KMT2C: variants seen among roughly 807,000 people sequenced by gnomAD.
KMT2C encodes histone-lysine N-methyltransferase 2C.
A neutral mutation model predicts 507.9 loss-of-function variants in KMT2C; 88 were observed. That is an observed-to-expected ratio of 0.17 (90% CI 0.15 to 0.21). The LOEUF is 0.21. Ranked by LOEUF, KMT2C falls within the 10% of genes least tolerant of loss-of-function variation. KMT2C has a pLI of 1.00. For synonymous variants in KMT2C, 2,049 were observed against 2,080.8 expected, an observed-to-expected ratio of 0.98 and a Z score of 0.42; for missense variants, 4,954 against 5,957.8, an observed-to-expected ratio of 0.83 and a Z score of 5.55.
At chr7:152,435,543 AGGCCGCGGGGC>A in intron 1 of KMT2C, 72 bp downstream of exon 1, 2 of 801,546 alleles carry the variant, frequency 2.5e-6, no homozygotes, top group Non-Finnish European at 3.1e-6. Flanking sequence ...CGGGGCGCGG[AGGCCGCGGGGC>A]GGGCGCCCGG....
At chr7:152,414,180 A>G (rs2097710461) in intron 1 of KMT2C, among the ~76,000 whole-genome samples, 3 of 151,562 alleles carry the variant, frequency 2.0e-5, no homozygotes, top group Non-Finnish European at 4.4e-5. Flanking sequence ...ACTGCACTCC[A>G]GCCTGGGCGA....
intron 18 of KMT2C, among the ~76,000 whole-genome samples, chr7:152,225,741 T>C (rs1490452916): frequency 6.6e-6 from 1 of 152,092 alleles, no homozygotes; most frequent in East Asian, 1.9e-4. Context: ...CTGGCACATA[T>C]CAGAGCAGGA....
rs965606574 is a variant in KMT2C, at chr7:152,207,141, G to A, written c.3841+159C>T. Reference sequence around the variant, plus strand: ...TAAAGAACTCTAGAGCTAAAAAGTCGTATTCAAATAGTTTAGTTCTTTAAT... The same window carrying A: ...TAAAGAACTCTAGAGCTAAAAAGTCATATTCAAATAGTTTAGTTCTTTAAT... On this transcript the variant is annotated intron_variant, in intron 24 of 58. Coordinates refer to ENST00000262189, the MANE Select transcript of KMT2C (RefSeq NM_170606.3). 7.9e-5 allele frequency among the ~76,000 whole-genome samples: 12 copies of A among 152,052 alleles called. No individual in the cohort carries two copies. In the East Asian group the frequency reaches 9.6e-4, roughly 12 times the overall value.
chr7:152,246,141 A>G (rs2095469299), intron 14 of KMT2C, among the ~76,000 whole-genome samples: 2 of 152,198 alleles, frequency 1.3e-5, no homozygotes, highest in Non-Finnish European at 2.9e-5. Flanking sequence ...TCACCAATGG[A>G]AGATCTATCT....
intron 6 of KMT2C, among the ~76,000 whole-genome samples, chr7:152,290,258 GTATATATATATATATA>G (rs746466676): frequency 2.2e-3 from 59 of 26,256 alleles, no homozygotes; most frequent in African/African-American, 6.3e-3. Flanking sequence ...GTGTGTATGT[GTATATATATATATATA>G]TATATATATA....
intron 2 of KMT2C, among the ~76,000 whole-genome samples, chr7:152,332,519 T>C (rs1203212281): frequency 6.6e-6 from 1 of 152,196 alleles, no homozygotes; most frequent in Non-Finnish European, 1.5e-5. Flanking sequence ...CCTTCAACTA[T>C]ACCTTTCTAA....
At chr7:152,351,099 A>C (rs925705671) in intron 2 of KMT2C, among the ~76,000 whole-genome samples, 2 of 152,196 alleles carry the variant, frequency 1.3e-5, no homozygotes, top group African/African-American at 2.4e-5. Context: ...GTCATTTCGT[A>C]TGATAACAAT....
intron 55 of KMT2C, among the ~76,000 whole-genome samples, chr7:152,142,389 T>C (rs2090665220): frequency 6.6e-6 from 1 of 152,320 alleles, no homozygotes; most frequent in South Asian, 2.1e-4. Flanking sequence ...AAGCTGCCTA[T>C]TCAATTAAGG....
intron 24 of KMT2C, among the ~76,000 whole-genome samples, chr7:152,205,844 G>A (rs1036980874): frequency 3.3e-5 from 5 of 152,202 alleles, no homozygotes; most frequent in African/African-American, 1.2e-4. Flanking sequence ...AGTGATGGAT[G>A]ACTGTCTGTA....
At chr7:152,246,134 C>G (rs1466961688) in intron 14 of KMT2C, among the ~76,000 whole-genome samples, 3 of 152,152 alleles carry the variant, frequency 2.0e-5, no homozygotes, top group African/African-American at 7.2e-5. Flanking sequence ...CAGTGCCTCA[C>G]CAATGGAAGA....
chr7:152,153,102 A>G, intron 48 of KMT2C, 148 bp from the exon 49 acceptor site: 1 of 1,075,188 alleles, frequency 9.3e-7, no homozygotes, highest in Non-Finnish European at 1.3e-6. Context: ...AAAGAACCTC[A>G]GGAAAAAAAT....
At chr7:152,341,605 A>G (rs1226948789) in intron 2 of KMT2C, among the ~76,000 whole-genome samples, 1 of 152,202 alleles carries the variant, frequency 6.6e-6, no homozygotes, top group Non-Finnish European at 1.5e-5. Context: ...TCCAGAAGGG[A>G]GAGTGCCAGA....
At chr7:152,432,428 ATG>A (rs2097871370) in intron 1 of KMT2C, among the ~76,000 whole-genome samples, 1 of 152,238 alleles carries the variant, frequency 6.6e-6, no homozygotes, top group African/African-American at 2.4e-5. Flanking sequence ...AGGCCTGCCA[ATG>A]GTTAAGACCT....
At chr7:152,265,246 A>C in intron 7 of KMT2C, 37 bp from the exon 8 acceptor site, 1 of 1,607,688 alleles carries the variant, frequency 6.2e-7, no homozygotes, top group Non-Finnish European at 8.5e-7. Flanking sequence ...TTGTTGTATA[A>C]GAATTTAAAT....
chr7:152,283,888 CAA>C (rs555059880), intron 6 of KMT2C, among the ~76,000 whole-genome samples: 14 of 152,254 alleles, frequency 9.2e-5, no homozygotes, highest in Non-Finnish European at 1.5e-4. Flanking sequence ...AATTATGCAT[CAA>C]AAGAGTATTT....
chr7:152,428,649 A>G (rs1451591339), intron 1 of KMT2C, among the ~76,000 whole-genome samples: 2 of 151,838 alleles, frequency 1.3e-5, no homozygotes, highest in Non-Finnish European at 2.9e-5. Context: ...AAAAAAAAAA[A>G]TCATAAAAAT....
At chr7:152,141,581 T>C (rs1347671730) in intron 55 of KMT2C, among the ~76,000 whole-genome samples, 1 of 149,674 alleles carries the variant, frequency 6.7e-6, no homozygotes, top group Non-Finnish European at 1.5e-5. Flanking sequence ...GGCATGGTAG[T>C]ACACACCTGT....
intron 50 of KMT2C, among the ~76,000 whole-genome samples, 175 bp downstream of exon 50, chr7:152,151,267 T>G (rs993919286): frequency 6.6e-6 from 1 of 152,222 alleles, no homozygotes; most frequent in African/African-American, 2.4e-5. Context: ...AACAGCCTGT[T>G]GTAGCTCTTT....
Position 152,136,701 on chromosome 7 carries a change from C to T in KMT2C, c.*131G>A, listed in dbSNP as rs1055612862. On this transcript the variant is annotated 3_prime_UTR_variant, in exon 59 of 59. Transcript: ENST00000262189. ...ACCTAAAGGACTGAGGAAATCAGAA[C>T]TCCCAGAAGCTTTTTCAAAAAGTCA... The T allele has an allele frequency of 1.2e-5, 8 of 670,844 alleles. No individual in the cohort carries two copies. In the African/African-American group the frequency reaches 1.3e-4, roughly 10 times the overall value. The allele number at this position is 670,844 out of a possible 1,614,324, so 41.6% of individuals were successfully genotyped here.
Sources: gnomAD v4.1 joint callset for allele counts (sites outside exome capture counted in the v4.1 genomes callset) on GRCh38, gnomAD v4.1.1 for gene constraint, MANE v1.5 for transcripts, NCBI Gene and HGNC (gene_info 2026-07-23, HGNC 2026-07-21) for gene names.